CLNK: variants seen among roughly 807,000 people sequenced by gnomAD.
CLNK encodes the protein cytokine dependent hematopoietic cell linker.
CLNK carries 74 observed loss-of-function variants against 68.6 expected under a neutral mutation model. That is an observed-to-expected ratio of 1.08 (90% CI 0.89 to 1.31). The LOEUF is 1.31. CLNK is among the 50% of genes most tolerant of loss of function. CLNK has a pLI of 0.00. For synonymous variants in CLNK, 198 were observed against 172.2 expected, an observed-to-expected ratio of 1.15 and a Z score of -1.17; for missense variants, 553 against 515.3, an observed-to-expected ratio of 1.07 and a Z score of -0.71.
rs35503820 is a variant in CLNK at position 10,509,105 on chromosome 4, C to CAAAAA, written c.907-1074_907-1070dup. ...CTGGTGACAGAGTGAGACTCGGTCT[C>CAAAAA]AAAAAAAAAAAAAAAAAAAGGAAGT... On this transcript the variant is annotated intron_variant, in intron 16 of 18. Coordinates refer to ENST00000226951, the MANE Select transcript of CLNK (RefSeq NM_052964.4). 3.5e-4 allele frequency among the ~76,000 whole-genome samples: 37 copies of CAAAAA among 105,436 alleles called. No homozygotes were observed. In the East Asian group the frequency reaches 9.1e-3, roughly 26 times the overall value. The allele number at this position is 105,436 out of a possible 152,430, so 69.2% of individuals were successfully genotyped here.
chr4:10,637,055 G>A (rs768538669), intron 2 of CLNK, among the ~76,000 whole-genome samples: 2 of 152,192 alleles, frequency 1.3e-5, no homozygotes, highest in Non-Finnish European at 2.9e-5. Context: ...GCCCATTGCA[G>A]ATAGACTGCA....
chr4:10,724,989 A>G, the CLNK span, among the ~76,000 whole-genome samples: 1 of 152,162 alleles, frequency 6.6e-6, no homozygotes, highest in Admixed American at 6.5e-5. Context: ...AAGAGGGCGG[A>G]GTCACGGACA....
At chr4:10,659,358 T>C (rs921314765) in intron 2 of CLNK, among the ~76,000 whole-genome samples, 11 of 152,228 alleles carry the variant, frequency 7.2e-5, no homozygotes, top group African/African-American at 2.7e-4. Context: ...CGCTTAACTT[T>C]CTCAACAACC....
At chr4:10,538,015 G>A (rs1308147238) in intron 11 of CLNK, among the ~76,000 whole-genome samples, 5 of 151,906 alleles carry the variant, frequency 3.3e-5, no homozygotes, top group African/African-American at 7.3e-5. Context: ...TTGCTACTGG[G>A]TCCCAAGATA....
In CLNK at chr4:10,584,962, C is replaced by A. The variant is rs1720917525; in HGVS notation, c.84-7G>T. ...ATTGATGCGAGGCCATGACCTAGGGCAGAAAAGAGAACCAAGTTAAATGTC... is the reference window on the plus strand; with the variant it reads ...ATTGATGCGAGGCCATGACCTAGGGAAGAAAAGAGAACCAAGTTAAATGTC... On this transcript the variant is annotated splice_region_variant and splice_polypyrimidine_tract_variant and intron_variant, in intron 3 of 18. Coordinates refer to ENST00000226951, the MANE Select transcript of CLNK (RefSeq NM_052964.4). 6.2e-7 allele frequency: 1 copy of A among 1,613,482 alleles called. No individual in the cohort carries two copies. The highest frequency in any genetic ancestry group is 8.5e-7 in the Non-Finnish European group (1 of 1,179,794).
the CLNK span, among the ~76,000 whole-genome samples, chr4:10,703,252 A>G: frequency 6.6e-6 from 1 of 152,140 alleles, no homozygotes; most frequent in Non-Finnish European, 1.5e-5. Flanking sequence ...AACACTAAAG[A>G]ACACTAACTA....
chr4:10,671,213 C>T (rs990784347), intron 1 of CLNK, among the ~76,000 whole-genome samples: 5 of 151,986 alleles, frequency 3.3e-5, no homozygotes, highest in African/African-American at 7.3e-5. Flanking sequence ...TGGTGGAACC[C>T]GTCTCTACTA....
chr4:10,624,076 C>T (rs1390862271), intron 2 of CLNK, among the ~76,000 whole-genome samples: 1 of 152,172 alleles, frequency 6.6e-6, no homozygotes, highest in Non-Finnish European at 1.5e-5. Context: ...TTTCAGTTTC[C>T]CCATCTCTAG....
At chr4:10,728,604 C>CTTTCTTTCT in the CLNK span, among the ~76,000 whole-genome samples, 2 of 34,786 alleles carry the variant, frequency 5.7e-5, no homozygotes, top group African/African-American at 1.9e-4. Flanking sequence ...TTCTTTCTTT[C>CTTTCTTTCT]TTTTTTTTTT....
intron 2 of CLNK, among the ~76,000 whole-genome samples, chr4:10,623,011 T>C (rs1000990469): frequency 2.0e-5 from 3 of 152,196 alleles, no homozygotes; most frequent in African/African-American, 7.2e-5. Context: ...TCCCCACCTC[T>C]AAATACTATT....
chr4:10,533,310 C>T (rs547247891), intron 11 of CLNK, among the ~76,000 whole-genome samples: 2 of 152,108 alleles, frequency 1.3e-5, no homozygotes, highest in African/African-American at 4.8e-5. Flanking sequence ...CAGTGTGCAT[C>T]GTTGTCAGAA....
At chr4:10,544,072 T>C (rs1305002105) in intron 8 of CLNK, among the ~76,000 whole-genome samples, 1 of 152,222 alleles carries the variant, frequency 6.6e-6, no homozygotes, top group Non-Finnish European at 1.5e-5. Flanking sequence ...TGGTGGACCA[T>C]CTTGCTGCCT....
At chr4:10,504,901 T>G (rs1286787965) in intron 17 of CLNK, among the ~76,000 whole-genome samples, 5 of 152,204 alleles carry the variant, frequency 3.3e-5, no homozygotes, top group Non-Finnish European at 7.3e-5. Context: ...AACTGAGATT[T>G]TATTTTCTTA....
At chr4:10,724,065 G>A in the CLNK span, among the ~76,000 whole-genome samples, 2 of 152,140 alleles carry the variant, frequency 1.3e-5, no homozygotes, top group African/African-American at 4.8e-5. Context: ...ACCAAGAGTC[G>A]ACGGGGTTGG....
chr4:10,524,973 A>C (rs1194584840), intron 14 of CLNK, among the ~76,000 whole-genome samples: 1 of 152,164 alleles, frequency 6.6e-6, no homozygotes, highest in Non-Finnish European at 1.5e-5. Context: ...TGAGATCATG[A>C]GGGCCTTACA....
At chr4:10,608,769 A>G (rs1721887143) in intron 2 of CLNK, among the ~76,000 whole-genome samples, 1 of 152,190 alleles carries the variant, frequency 6.6e-6, no homozygotes, top group Non-Finnish European at 1.5e-5. Context: ...GGCTGCTATA[A>G]CAAATTACCA....
upstream of CLNK, among the ~76,000 whole-genome samples, chr4:10,688,675 A>G (rs1026988378): frequency 6.6e-5 from 10 of 152,192 alleles, no homozygotes; most frequent in Non-Finnish European, 1.5e-4. Context: ...GTTAATGTAT[A>G]AAATGATAAA....
the CLNK span, among the ~76,000 whole-genome samples, chr4:10,707,921 G>A: frequency 6.6e-6 from 1 of 152,216 alleles, no homozygotes; most frequent in African/African-American, 2.4e-5. Context: ...GGAAAGTGCA[G>A]AGGATGTCTT....
chr4:10,707,977 G>C, the CLNK span, among the ~76,000 whole-genome samples: 1 of 152,172 alleles, frequency 6.6e-6, no homozygotes, highest in Non-Finnish European at 1.5e-5. Context: ...TTCCTAGGGA[G>C]GAAATGATAC....
Sources: allele counts gnomAD v4.1 joint callset (sites outside exome capture counted in the v4.1 genomes callset), GRCh38; gene constraint gnomAD v4.1.1; transcripts MANE v1.5; gene names NCBI Gene and HGNC (gene_info 2026-07-23, HGNC 2026-07-21).